Variants in VPS13D observed in about 807,000 individuals in gnomAD.
VPS13D encodes vacuolar protein sorting 13 homolog D.
VPS13D carries 187 observed loss-of-function variants against 461.9 expected under a neutral mutation model. That is an observed-to-expected ratio of 0.40 (90% confidence interval 0.36 to 0.46). The LOEUF (loss-of-function observed/expected upper bound fraction) is 0.46, where lower values mean the gene tolerates loss of function less well. VPS13D is among the 20% of genes least tolerant of loss of function. The probability of loss-of-function intolerance (pLI) is 0.60; values close to 1 mark genes in which losing one functional copy is unlikely to be tolerated. For missense variants in VPS13D, 4,711 were observed against 5,364.9 expected (o/e 0.88, Z 3.81); for synonymous variants, 1,951 against 1,986.3 (o/e 0.98, Z 0.47).
chr1:12,508,897 A>G lies in VPS13D; in HGVS notation c.13040A>G (p.His4347Arg). The change falls in exon 70 of 70, where the codon CAT becomes CGT. Residue 4347 changes from histidine to arginine, a missense_variant. Physicochemically the swap from His to Arg is conservative, Grantham distance 29. Coordinates refer to ENST00000620676, the MANE Select transcript of VPS13D (RefSeq NM_015378.4). ...PGPSHQKPMV[H>R]VKSEVLAVKL... ...CCATCCTGTTCTCCTCCTTAGGTCC[A>G]TGTGAAATCTGAGGTCCTTGCTGTC... 1 of 1,614,062 alleles carries G rather than the reference A, an allele frequency of 6.2e-7. No homozygotes were observed. Among genetic ancestry groups the G allele is most frequent in the Non-Finnish European group, 8.5e-7 (1 of 1,179,964 alleles).
chr1:12,490,753 A>C (rs781100203), intron 67 of VPS13D, among the ~76,000 whole-genome samples: 3 of 151,564 alleles, frequency 2.0e-5, no homozygotes, highest in Non-Finnish European at 4.4e-5. Flanking sequence ...AGCCCACGGC[A>C]TGGTGGGAGC....
rs781471070 is a variant in VPS13D at position 12,261,992 on chromosome 1, G to A, written c.1506G>A (p.Gln502=). 1 of 1,614,160 alleles carries A rather than the reference G, an allele frequency of 6.2e-7. No homozygotes were observed. Among genetic ancestry groups the A allele is most frequent in the South Asian group, 1.1e-5 (1 of 91,078 alleles). Residue 502 remains glutamine (Q), a synonymous_variant, in exon 13 of 70, where the codon CAG becomes CAA. Coordinates refer to ENST00000620676, the MANE Select transcript of VPS13D (RefSeq NM_015378.4). ...RDHVFAKLNL[Q]LQRGTVTLLH... is the part of the protein sequence containing the mutation. ...ATGTCTTTGCCAAACTGAATTTGCA[G>A]TTGCAGCGAGGTACAGTGACTCTGT...
At position 12,271,128 on chromosome 1, in the gene VPS13D, A is replaced by T; in HGVS notation, c.2103+4A>T. 6.2e-7 allele frequency: 1 copy of T among 1,613,976 alleles called. No homozygotes were observed. Among genetic ancestry groups the T allele is most frequent in the Admixed American group, 1.7e-5 (1 of 59,998 alleles). Reference sequence around the variant, plus strand: ...TTTGCTAGTGGGTGATTTCATTGTAAGTGGGCATCCATAAACACTCTTTGG... The same window carrying T: ...TTTGCTAGTGGGTGATTTCATTGTATGTGGGCATCCATAAACACTCTTTGG... On this transcript the variant is annotated splice_donor_region_variant and intron_variant, in intron 17 of 69. Transcript: ENST00000620676.
At chr1:12,435,832 C>G (rs1374702494) in intron 65 of VPS13D, among the ~76,000 whole-genome samples, 2 of 152,082 alleles carry the variant, frequency 1.3e-5, no homozygotes, top group Non-Finnish European at 2.9e-5. Flanking sequence ...ATTTCCTGTG[C>G]TACCCTGTGT....
rs1439078288 is a variant in VPS13D at position 12,254,800 on chromosome 1, T to C, written c.669+974T>C. 2.0e-5 allele frequency among the ~76,000 whole-genome samples: 3 copies of C among 152,188 alleles called. No homozygotes were observed. The East Asian group carries it at 5.8e-4, about 29-fold the overall frequency. ...GCCTTGGCCTCCGAAAGTGCTGGGATTACAGGTGTGAGCTACCACACCCGG... is the reference window on the plus strand; with the variant it reads ...GCCTTGGCCTCCGAAAGTGCTGGGACTACAGGTGTGAGCTACCACACCCGG... On this transcript the variant is annotated intron_variant, in intron 7 of 69. Coordinates refer to ENST00000620676, the MANE Select transcript of VPS13D (RefSeq NM_015378.4).
chr1:12,399,106 C>G (rs1333466398), intron 60 of VPS13D, among the ~76,000 whole-genome samples: 1 of 152,140 alleles, frequency 6.6e-6, no homozygotes, highest in African/African-American at 2.4e-5. Context: ...TGGAGCTTCG[C>G]ACATAGTATC....
At chr1:12,470,740 A>C (rs1645552418) in intron 67 of VPS13D, among the ~76,000 whole-genome samples, 1 of 152,152 alleles carries the variant, frequency 6.6e-6, no homozygotes, top group Non-Finnish European at 1.5e-5. Context: ...GTTTCCCTAT[A>C]GTTTTCTTGA....
chr1:12,506,966 A>C lies in VPS13D; in HGVS notation c.12908A>C (p.Lys4303Thr). The C allele has an allele frequency of 1.2e-6, 2 of 1,614,270 alleles. No individual in the cohort carries two copies. Among genetic ancestry groups the C allele is most frequent in the Non-Finnish European group, 1.7e-6 (2 of 1,180,044 alleles). ...VDREAIFLEV[K>T]YDDLYHCLVS... ...CGAGAAGCCATTTTCCTAGAAGTCA[A>C]ATACGATGACCTCTACCACTGCCTT... The change falls in exon 69 of 70, where the codon AAA (lysine) becomes ACA (threonine). Residue 4303 changes from lysine (K) to threonine (T), a missense_variant. By Grantham distance (78) the Lys-to-Thr change is moderately conservative. Coordinates refer to ENST00000620676, the MANE Select transcript of VPS13D (RefSeq NM_015378.4).
Position 12,279,339 on chromosome 1 carries a change from C to T in VPS13D, c.4451-160C>T, listed in dbSNP as rs138212053. On this transcript the variant is annotated intron_variant, in intron 19 of 69. Coordinates refer to ENST00000620676, the MANE Select transcript of VPS13D (RefSeq NM_015378.4). The surrounding 1 kb of genome is among the most constrained non-coding windows in gnomAD (Gnocchi z 4.3). The stretch of plus-strand genomic sequence containing the variant: ...TGAGTTTTGGCCTCAGGATAGCTGT[C>T]AAGGTTTGCTCTCAATCATAGACCC... 2.6e-5 allele frequency among the ~76,000 whole-genome samples: 4 copies of T among 152,272 alleles called. No individual in the cohort carries two copies. In the East Asian group the frequency reaches 7.7e-4, roughly 29 times the overall value.
At chr1:12,232,640 T>C in intron 1 of VPS13D, among the ~76,000 whole-genome samples, 1 of 131,952 alleles carries the variant, frequency 7.6e-6, no homozygotes, top group African/African-American at 3.4e-5. Context: ...AATTAGTCTT[T>C]TTTTTTTTTT....
At chr1:12,357,412 G>A (rs1295276198) in intron 49 of VPS13D, among the ~76,000 whole-genome samples, 1 of 152,228 alleles carries the variant, frequency 6.6e-6, no homozygotes, top group Non-Finnish European at 1.5e-5. Context: ...CTCCTGAAAT[G>A]ATTTGGACAG....
chr1:12,244,349 A>C lies in VPS13D; in HGVS notation c.279A>C (p.Lys93Asn). 1.2e-6 allele frequency: 2 copies of C among 1,614,184 alleles called. No homozygotes were observed. The highest frequency in any genetic ancestry group is 2.2e-5 in the South Asian group (2 of 91,088). ...TTCACTTAATTGGAGCCCCAGAGAAAATACAGGATTTCAATGATGAAAAGG... is the reference window on the plus strand; with the variant it reads ...TTCACTTAATTGGAGCCCCAGAGAACATACAGGATTTCAATGATGAAAAGG... ...SSLHLIGAPE[K>N]IQDFNDEKEK... Residue 93 changes from lysine to asparagine, a missense_variant, in exon 4 of 70, where the codon AAA (lysine) becomes AAC (asparagine). Around this residue, in one of 3 missense-constraint regions of VPS13D, gnomAD observed 4,411 missense variants for 4,937.8 expected, o/e 0.89. Transcript: ENST00000620676.
At chr1:12,265,388 T>G (rs927226075) in intron 13 of VPS13D, among the ~76,000 whole-genome samples, 1 of 152,220 alleles carries the variant, frequency 6.6e-6, no homozygotes, top group East Asian at 1.9e-4. Context: ...ATCCTCCTGC[T>G]TCAGCCCCCA....
chr1:12,361,935 T>C (rs1643957104), intron 50 of VPS13D, among the ~76,000 whole-genome samples: 1 of 152,180 alleles, frequency 6.6e-6, no homozygotes, highest in African/African-American at 2.4e-5. Context: ...CTTGGCTCAT[T>C]GCAACCTCTG....
chr1:12,277,827 A>T lies in VPS13D; in HGVS notation c.4239A>T (p.Gly1413=). The T allele has an allele frequency of 6.2e-7, 1 of 1,610,414 alleles. No homozygotes were observed. The change falls in exon 19 of 70, where the codon GGA becomes GGT. Residue 1413 remains glycine, a synonymous_variant. Coordinates refer to ENST00000620676, the MANE Select transcript of VPS13D (RefSeq NM_015378.4). ...TATTCATCCAGAATTTTGTGGCGGG[A>T]GATGATGAATCCAGAAGTGACCGTC... The part of the protein sequence containing the change: ...GQIFIQNFVA[G]DDESRSDRLQ...
intron 22 of VPS13D, among the ~76,000 whole-genome samples, chr1:12,290,629 A>G (rs946980087): frequency 1.3e-5 from 2 of 151,950 alleles, no homozygotes; most frequent in Non-Finnish European, 1.5e-5. Flanking sequence ...GGGCTGAGGC[A>G]GGAGAATGGC....
At chr1:12,269,208 T>C (rs905534191) in intron 16 of VPS13D, among the ~76,000 whole-genome samples, 1 of 152,234 alleles carries the variant, frequency 6.6e-6, no homozygotes, top group Non-Finnish European at 1.5e-5. Context: ...CAGCTGTACT[T>C]TTTGAAAGCC....
intron 55 of VPS13D, among the ~76,000 whole-genome samples, chr1:12,375,662 G>T (rs1644187740): frequency 6.6e-6 from 1 of 152,198 alleles, no homozygotes; most frequent in African/African-American, 2.4e-5. Context: ...GTACTGGGCA[G>T]CCCTGCCCTC....
chr1:12,414,985 G>A (rs551157195), intron 63 of VPS13D, 102 bp from the exon 64 acceptor site: 16 of 1,397,434 alleles, frequency 1.1e-5, no homozygotes, highest in Non-Finnish European at 1.5e-5. Context: ...ACCCTCATTC[G>A]AAAGTTAACA....
Sources: allele counts gnomAD v4.1 joint callset (sites outside exome capture counted in the v4.1 genomes callset), GRCh38; gene constraint gnomAD v4.1.1; regional missense constraint gnomAD v4.1.1; non-coding constraint Gnocchi (gnomAD v3.1); transcripts MANE v1.5; gene names NCBI Gene and HGNC (gene_info 2026-07-23, HGNC 2026-07-21).